The following RAPGEF4 variants were observed in gnomAD, a reference collection of about 807,000 sequenced individuals.
RAPGEF4 encodes the protein RAP guanine-nucleotide-exchange factor (GEF) 4.
Under a neutral mutation model 147.9 loss-of-function variants are expected in RAPGEF4, and 66 were observed. The ratio of observed to expected loss-of-function variants is 0.45; its 90% CI spans 0.37 to 0.55. The LOEUF (loss-of-function observed/expected upper bound fraction) is 0.55. Ranked by LOEUF, RAPGEF4 falls within the 20% of genes least tolerant of loss-of-function variation. The pLI, the probability that RAPGEF4 is intolerant of heterozygous loss-of-function variation, is 0.00. For missense variants in RAPGEF4, 1,071 were observed against 1,257.3 expected, an observed-to-expected ratio of 0.85 and a Z score of 2.24; for synonymous variants, 419 against 442.7, an observed-to-expected ratio of 0.95 and a Z score of 0.67.
intron 4 of RAPGEF4, among the ~76,000 whole-genome samples, chr2:172,902,331 G>T (rs954982309): frequency 2.7e-5 from 4 of 149,546 alleles, no homozygotes; most frequent in South Asian, 2.1e-4. Flanking sequence ...TTGAGACAGG[G>T]TCTCACTCTC....
chr2:172,776,608 G>T (rs1684188047), intron 1 of RAPGEF4, among the ~76,000 whole-genome samples: 1 of 151,734 alleles, frequency 6.6e-6, no homozygotes, highest in Non-Finnish European at 1.5e-5. Context: ...GTCTCTAATT[G>T]TTATTACTGT....
intron 4 of RAPGEF4, among the ~76,000 whole-genome samples, chr2:172,833,693 G>T (rs549639985): frequency 6.6e-6 from 1 of 152,088 alleles, no homozygotes; most frequent in Non-Finnish European, 1.5e-5. Flanking sequence ...TTTGCCATAC[G>T]CATTAAAATA....
chr2:172,775,831 A>G (rs1684109145), intron 1 of RAPGEF4, among the ~76,000 whole-genome samples: 1 of 152,186 alleles, frequency 6.6e-6, no homozygotes, highest in African/African-American at 2.4e-5. Flanking sequence ...AAGCCTAAGC[A>G]CTGTGAAAGG....
At chr2:172,960,529 G>A (rs1273952189) in intron 6 of RAPGEF4, among the ~76,000 whole-genome samples, 1 of 151,896 alleles carries the variant, frequency 6.6e-6, no homozygotes, top group Non-Finnish European at 1.5e-5. Flanking sequence ...TATCTATTTG[G>A]TTTTTTCATT....
intron 6 of RAPGEF4, among the ~76,000 whole-genome samples, chr2:172,945,798 T>C (rs1454495893): frequency 6.6e-6 from 1 of 152,204 alleles, no homozygotes; most frequent in Non-Finnish European, 1.5e-5. Context: ...CATTAATATG[T>C]ATTAGTCTTA....
At chr2:173,021,943 G>T (rs1696139382) in intron 23 of RAPGEF4, among the ~76,000 whole-genome samples, 1 of 152,098 alleles carries the variant, frequency 6.6e-6, no homozygotes, top group Admixed American at 6.5e-5. Flanking sequence ...TCAATCACCA[G>T]CCTTATAAGA....
intron 3 of RAPGEF4, among the ~76,000 whole-genome samples, chr2:172,808,785 T>G (rs1173298985): frequency 2.6e-5 from 4 of 152,160 alleles, no homozygotes; most frequent in Non-Finnish European, 5.9e-5. Flanking sequence ...TTGGCAGAGA[T>G]AAGTTTTGAA....
At chr2:172,795,297 G>A in intron 2 of RAPGEF4, 130 bp downstream of exon 2, 2 of 918,400 alleles carry the variant, frequency 2.2e-6, no homozygotes, top group African/African-American at 3.3e-5. Flanking sequence ...AAGTATTAAG[G>A]TGACATTTCC....
At chr2:172,968,213 C>T (rs1690065801) in intron 10 of RAPGEF4, among the ~76,000 whole-genome samples, 1 of 152,230 alleles carries the variant, frequency 6.6e-6, no homozygotes, top group Non-Finnish European at 1.5e-5. Flanking sequence ...GCATCCGAAA[C>T]CACCACACAG....
chr2:172,750,660 C>G (rs1695200147), intron 1 of RAPGEF4, among the ~76,000 whole-genome samples: 1 of 152,154 alleles, frequency 6.6e-6, no homozygotes, highest in Non-Finnish European at 1.5e-5. Context: ...TATTTTATGT[C>G]TTTCTGGTAA....
At chr2:172,742,240 T>A (rs1414665006) in intron 1 of RAPGEF4, among the ~76,000 whole-genome samples, 1 of 152,242 alleles carries the variant, frequency 6.6e-6, no homozygotes, top group African/African-American at 2.4e-5. Context: ...CCCATTTACC[T>A]CATAACTTTC....
At position 172,922,160 on chromosome 2, in the gene RAPGEF4, A is replaced by T. The variant is rs969040853; in HGVS notation, c.518-121A>T. 7 of 896,872 alleles carry T rather than the reference A, an allele frequency of 7.8e-6. No individual in the cohort carries two copies. In the African/African-American group the frequency reaches 8.3e-5, roughly 11 times the overall value. The allele number at this position is 896,872 out of a possible 1,614,324, so 55.6% of individuals were successfully genotyped here. A position where few individuals can be genotyped will look rare whatever the true frequency, so the allele number is the denominator to read the frequency against. On this transcript the variant is annotated intron_variant, in intron 5 of 30. Transcript: ENST00000397081. ...TCTAAGCAGCATTATGTAAGTTTTC[A>T]CGGAAATGCAAATTGAAAACACTGA...
chr2:172,857,489 C>T (rs933707394), intron 4 of RAPGEF4, among the ~76,000 whole-genome samples: 6 of 152,206 alleles, frequency 3.9e-5, no homozygotes, highest in Admixed American at 3.9e-4. Context: ...ATACAAGTTG[C>T]ATTCAAGGAT....
At chr2:173,024,276 G>T (rs1260520185) in intron 23 of RAPGEF4, among the ~76,000 whole-genome samples, 3 of 138,032 alleles carry the variant, frequency 2.2e-5, no homozygotes, top group Admixed American at 7.7e-5. Context: ...GGAGTGCAGT[G>T]GCGGGATCTC....
intron 4 of RAPGEF4, among the ~76,000 whole-genome samples, chr2:172,884,232 A>G (rs1421744998): frequency 2.6e-5 from 4 of 152,212 alleles, no homozygotes; most frequent in East Asian, 1.9e-4. Context: ...GTTGGAAGCC[A>G]TGAAAATGGT....
At chr2:172,811,774 T>G (rs1264728779) in intron 3 of RAPGEF4, among the ~76,000 whole-genome samples, 1 of 152,204 alleles carries the variant, frequency 6.6e-6, no homozygotes, top group African/African-American at 2.4e-5. Context: ...TGTCCATTCT[T>G]AATCTACCTT....
At chr2:172,758,566 A>T (rs1179663928) in intron 1 of RAPGEF4, among the ~76,000 whole-genome samples, 1 of 152,218 alleles carries the variant, frequency 6.6e-6, no homozygotes, top group Non-Finnish European at 1.5e-5. Context: ...GGGGAACAGC[A>T]GTGAAGATAA....
intron 6 of RAPGEF4, among the ~76,000 whole-genome samples, chr2:172,952,833 C>A (rs1191426340): frequency 6.6e-6 from 1 of 152,188 alleles, no homozygotes; most frequent in Non-Finnish European, 1.5e-5. Flanking sequence ...ATTGAAGCTG[C>A]CTCTCTCCAC....
chr2:173,024,287 G>C (rs1282635712), intron 23 of RAPGEF4, among the ~76,000 whole-genome samples: 5 of 137,986 alleles, frequency 3.6e-5, no homozygotes, highest in African/African-American at 1.0e-4. Flanking sequence ...GCGGGATCTC[G>C]GCTCACTGCA....
Sources: gnomAD v4.1 joint callset for allele counts (sites outside exome capture counted in the v4.1 genomes callset) on GRCh38, gnomAD v4.1.1 for gene constraint, MANE v1.5 for transcripts, NCBI Gene and HGNC (gene_info 2026-07-23, HGNC 2026-07-21) for gene names.